NIBAN3: variants seen among roughly 807,000 people sequenced by gnomAD.
NIBAN3 encodes protein Niban 3.
Under a neutral mutation model 76.4 loss-of-function variants are expected in NIBAN3, and 66 were observed. The ratio of observed to expected loss-of-function variants is 0.86; its 90% CI spans 0.71 to 1.06. NIBAN3 has a LOEUF of 1.06. Among genes scored for constraint, NIBAN3 ranks in the 50% least tolerant of loss-of-function variants. The probability of loss-of-function intolerance (pLI) is 0.00; values close to 1 mark genes in which losing one functional copy is unlikely to be tolerated. For synonymous variants in NIBAN3, 360 were observed against 355.2 expected, an observed-to-expected ratio of 1.01 and a Z score of -0.15; for missense variants, 808 against 810.7, an observed-to-expected ratio of 1.00 and a Z score of 0.04.
At position 17,532,403 on chromosome 19, in the gene NIBAN3, C is replaced by T. The variant is rs1384973189; in HGVS notation, c.312+15C>T. The T allele has an allele frequency of 1.2e-5, 19 of 1,614,072 alleles. No individual in the cohort carries two copies. Among genetic ancestry groups the T allele is most frequent in the Admixed American group, 6.7e-5 (4 of 60,002 alleles). On this transcript the variant is annotated intron_variant, in intron 3 of 14. Coordinates refer to ENST00000599164, the MANE Select transcript of NIBAN3 (RefSeq NM_001321827.2). ...GCCACAAGGAGGTGCGTGATTGGCA[C>T]GTGGCCTTTCTACTTCTGGGTCCCT...
Position 17,540,571 on chromosome 19 carries a change from C to T in NIBAN3, c.1159C>T (p.Leu387=). The T allele has an allele frequency of 6.6e-7, 1 of 1,517,746 alleles. No individual in the cohort carries two copies. The highest frequency in any genetic ancestry group is 1.4e-5 in the African/African-American group (1 of 71,056). 94.0% of individuals were successfully genotyped at this position (1,517,746 alleles called of 1,614,324 possible). A position where few individuals can be genotyped will look rare whatever the true frequency, so the allele number is the denominator to read the frequency against. ...RLRQSPSGTR[L]RREVYSFGEM... ...GCGCCAGAGCCCCTCAGGCACGCGG[C>T]TGCGCAGGGAGGTGAGCTCCCGTGG... The change falls in exon 9 of 15, where the codon CTG becomes TTG. Residue 387 remains leucine, a synonymous_variant. Coordinates refer to ENST00000599164, the MANE Select transcript of NIBAN3 (RefSeq NM_001321827.2).
chr19:17,544,155 G>GT (rs1178682692), intron 12 of NIBAN3: 2 of 152,462 alleles, frequency 1.3e-5, no homozygotes, highest in Non-Finnish European at 2.9e-5. Flanking sequence ...TTAGCCAGGC[G>GT]TGACAGCATG....
At chr19:17,527,547 T>A in intron 1 of NIBAN3, 152 bp downstream of exon 1, 1 of 882,448 alleles carries the variant, frequency 1.1e-6, no homozygotes. Context: ...TTTCACGCAG[T>A]GAATCTTTTT....
intron 5 of NIBAN3, among the ~76,000 whole-genome samples, chr19:17,538,144 C>T (rs755802292): frequency 4.0e-5 from 6 of 150,252 alleles, no homozygotes; most frequent in Admixed American, 2.0e-4. Flanking sequence ...CCGCTGGGCG[C>T]GGTGGCTCAC....
chr19:17,539,552 C>T, intron 7 of NIBAN3, 51 bp from the exon 8 acceptor site: 1 of 1,479,620 alleles, frequency 6.8e-7, no homozygotes, highest in African/African-American at 1.4e-5. Flanking sequence ...TCTCTGACCC[C>T]CATCCCCGCC....
At chr19:17,525,541 T>C (rs1253720977), upstream of NIBAN3, among the ~76,000 whole-genome samples, 1 of 151,918 alleles carries the variant, frequency 6.6e-6, no homozygotes, top group African/African-American at 2.4e-5. Context: ...AAGGGGCTGG[T>C]ATCTGGTCTT....
chr19:17,530,203 C>G (rs1197985115), intron 1 of NIBAN3, among the ~76,000 whole-genome samples: 2 of 151,984 alleles, frequency 1.3e-5, no homozygotes, highest in Non-Finnish European at 2.9e-5. Context: ...TCTCTGTAGT[C>G]CCAGCTACTT....
intron 5 of NIBAN3, 90 bp from the exon 6 acceptor site, chr19:17,539,060 G>C: frequency 8.8e-7 from 1 of 1,133,874 alleles, no homozygotes; most frequent in Non-Finnish European, 1.2e-6. Context: ...TGGGTGTTGG[G>C]GACCTGGCCA....
In NIBAN3 at chr19:17,553,091, A is replaced by G. The variant is rs2076180622; in HGVS notation, c.*1193A>G. On this transcript the variant is annotated 3_prime_UTR_variant, in exon 15 of 15. Coordinates refer to ENST00000599164, the MANE Select transcript of NIBAN3 (RefSeq NM_001321827.2). The stretch of plus-strand genomic sequence containing the variant: ...ACCCTGTCTCAAAAAACAAAATCCA[A>G]ATATGTTGATTAGCCATTTACATGT... 2 of 615,078 alleles carry G rather than the reference A, an allele frequency of 3.3e-6. No individual in the cohort carries two copies. The highest frequency in any genetic ancestry group is 5.0e-6 in the Non-Finnish European group (2 of 400,008). 38.1% of individuals were successfully genotyped at this position (615,078 alleles called of 1,614,324 possible).
chr19:17,524,287 TC>T (rs202174186), upstream of NIBAN3, among the ~76,000 whole-genome samples: 3 of 151,910 alleles, frequency 2.0e-5, no homozygotes, highest in African/African-American at 4.8e-5. Context: ...CTGATGGTTT[TC>T]TTTTTTCTTT....
Position 17,541,728 on chromosome 19 carries a change from C to T in NIBAN3, c.1171-408C>T, listed in dbSNP as rs188662141. 9.3e-4 allele frequency among the ~76,000 whole-genome samples: 140 copies of T among 150,872 alleles called. 1 individual carries two copies. Among genetic ancestry groups the T allele is most frequent in the African/African-American group, 3.1e-3 (129 of 41,000 alleles). On this transcript the variant is annotated intron_variant, in intron 9 of 14. Transcript: ENST00000599164. ...TTTTTGAGACAGAGTCTCATTTTGC[C>T]GCCCAGGCTGAAGTGCAGTGGTGCG...
At chr19:17,526,050 T>TC (rs1198947778), upstream of NIBAN3, among the ~76,000 whole-genome samples, 5 of 149,736 alleles carry the variant, frequency 3.3e-5, no homozygotes, top group East Asian at 2.0e-4. Flanking sequence ...TGAGACACCG[T>TC]TTAAAAAAAA....
chr19:17,544,251 G>A (rs897123983), intron 12 of NIBAN3, among the ~76,000 whole-genome samples: 13 of 152,128 alleles, frequency 8.5e-5, no homozygotes, highest in African/African-American at 3.1e-4. Context: ...AGCTAGGATC[G>A]CACCACTGCA....
At chr19:17,525,312 G>A (rs1178070813), upstream of NIBAN3, among the ~76,000 whole-genome samples, 2 of 150,346 alleles carry the variant, frequency 1.3e-5, no homozygotes, top group Non-Finnish European at 3.0e-5. Flanking sequence ...TAGACTGCAT[G>A]CCCTCCCTCC....
At chr19:17,531,375 C>T (rs936292494) in intron 2 of NIBAN3, among the ~76,000 whole-genome samples, 1 of 132,038 alleles carries the variant, frequency 7.6e-6, no homozygotes, top group Non-Finnish European at 1.6e-5. Flanking sequence ...ACACACACAA[C>T]CATTCACTGA....
At chr19:17,546,282 T>G (rs544592294) in intron 12 of NIBAN3, 1 of 155,706 alleles carries the variant, frequency 6.4e-6, no homozygotes. Context: ...ATAACTATTC[T>G]TGTTTTATAT....
downstream of NIBAN3, among the ~76,000 whole-genome samples, chr19:17,555,040 C>T (rs889109705): frequency 1.3e-5 from 2 of 151,928 alleles, no homozygotes; most frequent in African/African-American, 4.8e-5. Flanking sequence ...TGGCCCTTGT[C>T]TCTGGAAGAG....
rs1291294301 is a variant in NIBAN3 at position 17,539,133 on chromosome 19, G to A, written c.596-17G>A. The stretch of plus-strand genomic sequence containing the variant: ...CAGGGGAGCTACCAGCAGGCACTGA[G>A]GAGCAGCCCCTCTCAGTCCTGCAGC... On this transcript the variant is annotated splice_polypyrimidine_tract_variant and intron_variant, in intron 5 of 14. Coordinates refer to ENST00000599164, the MANE Select transcript of NIBAN3 (RefSeq NM_001321827.2). 1.9e-6 allele frequency: 3 copies of A among 1,560,436 alleles called. No individual in the cohort carries two copies. Among genetic ancestry groups the A allele is most frequent in the Non-Finnish European group, 2.6e-6 (3 of 1,152,410 alleles).
At chr19:17,544,713 G>A (rs1340837773) in intron 12 of NIBAN3, among the ~76,000 whole-genome samples, 1 of 152,180 alleles carries the variant, frequency 6.6e-6, no homozygotes, top group African/African-American at 2.4e-5. Flanking sequence ...GGGAGTCCTA[G>A]GTACCTAGGC....
Sources: allele counts gnomAD v4.1 joint callset (sites outside exome capture counted in the v4.1 genomes callset), GRCh38; gene constraint gnomAD v4.1.1; transcripts MANE v1.5; gene names NCBI Gene and HGNC (gene_info 2026-07-23, HGNC 2026-07-21).